Variants in TMTC2 observed in about 807,000 individuals in gnomAD.
TMTC2 encodes transmembrane O-mannosyltransferase targeting cadherins 2.
In TMTC2, 43 loss-of-function variants were observed where a neutral mutation model predicts 82.4. The ratio of observed to expected loss-of-function variants is 0.52; its 90% confidence interval spans 0.41 to 0.67. The LOEUF is 0.67. Ranked by LOEUF, TMTC2 falls within the 30% of genes least tolerant of loss-of-function variation. The pLI is 0.00. For synonymous variants in TMTC2, 408 were observed against 381.9 expected, an observed-to-expected ratio of 1.07 and a Z score of -0.80; for missense variants, 919 against 1,012.4, an observed-to-expected ratio of 0.91 and a Z score of 1.25.
At chr12:82,755,892 A>C (rs1403487260) in intron 1 of TMTC2, among the ~76,000 whole-genome samples, 1 of 152,170 alleles carries the variant, frequency 6.6e-6, no homozygotes, top group African/African-American at 2.4e-5. Context: ...TTTTATCATA[A>C]TAAAAATAGA....
chr12:83,009,934 G>A (rs1193138439), intron 8 of TMTC2, among the ~76,000 whole-genome samples: 2 of 152,166 alleles, frequency 1.3e-5, no homozygotes, highest in East Asian at 3.9e-4. Flanking sequence ...ACAGGGTTTT[G>A]TGTTCCTGTG....
intron 1 of TMTC2, among the ~76,000 whole-genome samples, chr12:82,834,044 T>A (rs1334969559): frequency 6.6e-6 from 1 of 152,218 alleles, no homozygotes; most frequent in Non-Finnish European, 1.5e-5. Context: ...TTTTAAGGGA[T>A]GTACATGTAA....
Position 83,061,811 on chromosome 12 carries a change from G to A in TMTC2, c.2311G>A (p.Ala771Thr). ...AGCAGCTGAGAAGTATTATGATCTG[G>A]CAGCCAGGCTGAGGCCTAATGTAAG... ...NEAAEKYYDL[A>T]ARLRPNYPAA... The change falls in exon 11 of 12, where the codon GCA becomes ACA. Residue 771 changes from alanine to threonine, a missense_variant. Coordinates refer to ENST00000321196, the MANE Select transcript of TMTC2 (RefSeq NM_152588.3). 5 of 1,595,386 alleles carry A rather than the reference G, an allele frequency of 3.1e-6. No homozygotes were observed. Among genetic ancestry groups the A allele is most frequent in the Non-Finnish European group, 4.3e-6 (5 of 1,171,400 alleles).
chr12:82,956,299 A>G (rs1877612112), intron 4 of TMTC2, among the ~76,000 whole-genome samples: 1 of 151,176 alleles, frequency 6.6e-6, no homozygotes, highest in Non-Finnish European at 1.5e-5. Context: ...AATGAAAAAT[A>G]TATATATATA....
At chr12:82,762,842 A>G (rs1385930902) in intron 1 of TMTC2, among the ~76,000 whole-genome samples, 2 of 152,198 alleles carry the variant, frequency 1.3e-5, no homozygotes, top group Admixed American at 6.5e-5. Flanking sequence ...AATTTAAGGT[A>G]GATATTAGTG....
intron 9 of TMTC2, among the ~76,000 whole-genome samples, chr12:83,037,050 A>G (rs542778067): frequency 1.3e-5 from 2 of 152,308 alleles, no homozygotes; most frequent in Non-Finnish European, 2.9e-5. Context: ...ACACCTTCCT[A>G]TAGGCCCCAC....
chr12:82,854,596 T>G (rs1223682100), intron 1 of TMTC2, among the ~76,000 whole-genome samples: 1 of 152,102 alleles, frequency 6.6e-6, no homozygotes, highest in Non-Finnish European at 1.5e-5. Context: ...GGAAATAAAT[T>G]TTTTTCTAAA....
At chr12:82,950,070 G>A (rs1347619509) in intron 4 of TMTC2, among the ~76,000 whole-genome samples, 1 of 152,118 alleles carries the variant, frequency 6.6e-6, no homozygotes, top group East Asian at 1.9e-4. Flanking sequence ...GAGAAAGGGC[G>A]GGTATTAATA....
intron 2 of TMTC2, among the ~76,000 whole-genome samples, chr12:82,887,714 AGTG>A (rs1397685245): frequency 1.3e-5 from 2 of 152,192 alleles, no homozygotes; most frequent in African/African-American, 2.4e-5. Context: ...TTATCAGAAA[AGTG>A]GGGATTAGAG....
intron 8 of TMTC2, among the ~76,000 whole-genome samples, chr12:82,994,723 A>G (rs1879541774): frequency 6.6e-6 from 1 of 151,928 alleles, no homozygotes; most frequent in African/African-American, 2.4e-5. Context: ...TCTAATAAGC[A>G]GTGGTGGTAC....
intron 2 of TMTC2, among the ~76,000 whole-genome samples, chr12:82,884,184 G>T (rs947042628): frequency 6.6e-6 from 1 of 152,186 alleles, no homozygotes; most frequent in Admixed American, 6.5e-5. Flanking sequence ...GGGTACGCAA[G>T]AAATTGCTCA....
chr12:82,891,411 C>A (rs980350795), intron 2 of TMTC2, among the ~76,000 whole-genome samples: 1 of 152,220 alleles, frequency 6.6e-6, no homozygotes, highest in Non-Finnish European at 1.5e-5. Flanking sequence ...TGGGTTCAAG[C>A]GATTCTGCTG....
intron 1 of TMTC2, among the ~76,000 whole-genome samples, chr12:82,819,323 ATC>A (rs1388499883): frequency 1.3e-4 from 20 of 152,114 alleles, no homozygotes; most frequent in African/African-American, 4.6e-4. Flanking sequence ...TAACTTTTTA[ATC>A]AGATCAAACA....
intron 11 of TMTC2, among the ~76,000 whole-genome samples, chr12:83,122,499 G>T (rs898887043): frequency 6.6e-6 from 1 of 152,070 alleles, no homozygotes; most frequent in African/African-American, 2.4e-5. Flanking sequence ...GCTTTTTTCC[G>T]CTGCTTCCTC....
intron 1 of TMTC2, among the ~76,000 whole-genome samples, chr12:82,735,635 G>A (rs373744500): frequency 3.8e-4 from 55 of 143,078 alleles, no homozygotes; most frequent in East Asian, 2.0e-3. Context: ...GTGAGCCACC[G>A]CACCCAGCCC....
intron 11 of TMTC2, among the ~76,000 whole-genome samples, chr12:83,118,593 T>C (rs529034842): frequency 6.6e-6 from 1 of 152,346 alleles, no homozygotes; most frequent in Admixed American, 6.5e-5. Context: ...TTAAGGATTT[T>C]AGCATCTGTG....
intron 9 of TMTC2, among the ~76,000 whole-genome samples, chr12:83,039,519 T>C (rs1374967092): frequency 6.6e-6 from 1 of 152,110 alleles, no homozygotes; most frequent in Non-Finnish European, 1.5e-5. Flanking sequence ...TGAGTACTTT[T>C]GTGGCCTGAG....
chr12:82,825,926 A>G (rs1869395366), intron 1 of TMTC2, among the ~76,000 whole-genome samples: 1 of 152,128 alleles, frequency 6.6e-6, no homozygotes, highest in Non-Finnish European at 1.5e-5. Context: ...TTCCTTCAAT[A>G]CCAGTGAAAG....
Position 82,711,180 on chromosome 12 carries a change from T to G in TMTC2, c.83+23511T>G, listed in dbSNP as rs569368855. On this transcript the variant is annotated intron_variant, in intron 1 of 11. Transcript: ENST00000321196. ...TTCTTGGGCTTTCACCTCTGTAAAC[T>G]TGAGGAGTTTGGCTAAGTCAGTAGT... is the stretch of plus-strand genomic sequence containing the variant. 2.0e-5 allele frequency among the ~76,000 whole-genome samples: 3 copies of G among 152,322 alleles called. No individual in the cohort carries two copies. In the South Asian group the frequency reaches 6.2e-4, roughly 32 times the overall value.
Sources: gnomAD v4.1 joint callset for allele counts (sites outside exome capture counted in the v4.1 genomes callset) on GRCh38, gnomAD v4.1.1 for gene constraint, MANE v1.5 for transcripts, NCBI Gene and HGNC (gene_info 2026-07-23, HGNC 2026-07-21) for gene names.